Variants in UNC13C observed in about 807,000 individuals in gnomAD.
UNC13C encodes protein unc-13 homolog C.
UNC13C carries 174 observed loss-of-function variants against 245.4 expected under a neutral mutation model. The observed-to-expected ratio is 0.71, with a 90% CI of 0.63 to 0.80. The LOEUF (loss-of-function observed/expected upper bound fraction) is 0.80. Ranked by LOEUF, UNC13C falls within the 30% of genes least tolerant of loss-of-function variation. The pLI is 0.00. For missense variants in UNC13C, 2,829 were observed against 2,602.9 expected (o/e 1.09, Z -1.89); for synonymous variants, 992 against 895.1 (o/e 1.11, Z -1.93).
chr15:54,585,374 T>C (rs1472566751), intron 30 of UNC13C, among the ~76,000 whole-genome samples: 4 of 152,142 alleles, frequency 2.6e-5, no homozygotes. Flanking sequence ...AGCTCCCCCT[T>C]TGCTTTCTGC....
At chr15:53,916,491 A>G in the UNC13C span, among the ~76,000 whole-genome samples, 1 of 152,206 alleles carries the variant, frequency 6.6e-6, no homozygotes, top group African/African-American at 2.4e-5. Flanking sequence ...GAAACAAACC[A>G]GAGAGAGAAT....
chr15:54,330,377 T>G (rs2038407651), intron 14 of UNC13C, among the ~76,000 whole-genome samples: 1 of 151,978 alleles, frequency 6.6e-6, no homozygotes, highest in Non-Finnish European at 1.5e-5. Context: ...GTCGAGAGGG[T>G]GAGCATTTCA....
intron 2 of UNC13C, among the ~76,000 whole-genome samples, chr15:54,033,441 C>T (rs1387623053): frequency 1.3e-5 from 2 of 151,934 alleles, no homozygotes; most frequent in Middle Eastern, 3.2e-3. Flanking sequence ...ATCTTATTGT[C>T]GTGGGATTTT....
intron 8 of UNC13C, among the ~76,000 whole-genome samples, chr15:54,251,783 G>T (rs2140868471): frequency 6.6e-6 from 1 of 152,238 alleles, no homozygotes; most frequent in East Asian, 1.9e-4. Context: ...TGACACTGAA[G>T]GGAGAAGAGG....
chr15:54,354,101 G>T (rs2039042286), intron 17 of UNC13C, among the ~76,000 whole-genome samples: 1 of 152,078 alleles, frequency 6.6e-6, no homozygotes, highest in South Asian at 2.1e-4. Context: ...GATTCAAATA[G>T]AGGCTCCCAT....
At chr15:53,938,055 GACTA>G in the UNC13C span, among the ~76,000 whole-genome samples, 1 of 152,176 alleles carries the variant, frequency 6.6e-6, no homozygotes, top group Non-Finnish European at 1.5e-5. Flanking sequence ...AATGTAAATG[GACTA>G]ACTGTCCCAA....
intron 4 of UNC13C, among the ~76,000 whole-genome samples, chr15:54,180,180 C>T (rs779861098): frequency 6.6e-6 from 1 of 151,860 alleles, no homozygotes; most frequent in African/African-American, 2.4e-5. Flanking sequence ...TGATAGTCCC[C>T]GGTTTCTATT....
At chr15:54,378,088 T>G (rs1018240294) in intron 17 of UNC13C, among the ~76,000 whole-genome samples, 2 of 152,164 alleles carry the variant, frequency 1.3e-5, no homozygotes, top group Non-Finnish European at 2.9e-5. Flanking sequence ...TTTATAACAT[T>G]TGGAGACATC....
At chr15:54,037,971 C>T (rs1435499225) in intron 2 of UNC13C, among the ~76,000 whole-genome samples, 1 of 150,040 alleles carries the variant, frequency 6.7e-6, no homozygotes, top group Non-Finnish European at 1.5e-5. Context: ...AGCTTCTGAG[C>T]AAGTACATTC....
the UNC13C span, among the ~76,000 whole-genome samples, chr15:53,959,506 T>G: frequency 6.6e-6 from 1 of 152,194 alleles, no homozygotes; most frequent in Non-Finnish European, 1.5e-5. Context: ...TTATTTCTTA[T>G]CCTTGTTCAT....
intron 2 of UNC13C, among the ~76,000 whole-genome samples, chr15:54,129,126 T>A (rs1448370105): frequency 2.0e-5 from 3 of 152,212 alleles, no homozygotes; most frequent in African/African-American, 7.2e-5. Context: ...GAATTGTTAG[T>A]TGCGTTTAGT....
chr15:53,848,236 A>G, the UNC13C span, among the ~76,000 whole-genome samples: 2 of 151,670 alleles, frequency 1.3e-5, no homozygotes, highest in East Asian at 1.9e-4. Flanking sequence ...TTTTCTTTCT[A>G]TTTGAGTTTA....
At chr15:54,547,806 A>G (rs1596548297) in intron 27 of UNC13C, among the ~76,000 whole-genome samples, 1 of 152,128 alleles carries the variant, frequency 6.6e-6, no homozygotes, top group Non-Finnish European at 1.5e-5. Context: ...TTATAAATAC[A>G]CACACACATA....
At chr15:54,204,306 G>GAAAAAAAA (rs71132787) in intron 4 of UNC13C, among the ~76,000 whole-genome samples, 1 of 124,868 alleles carries the variant, frequency 8.0e-6, no homozygotes, top group Non-Finnish European at 1.6e-5. Flanking sequence ...ATTAAAAATT[G>GAAAAAAAA]AAAAAAAAAA....
At chr15:54,024,718 A>C (rs1234676408) in intron 2 of UNC13C, among the ~76,000 whole-genome samples, 1 of 152,006 alleles carries the variant, frequency 6.6e-6, no homozygotes, top group Non-Finnish European at 1.5e-5. Flanking sequence ...GGATATCGAG[A>C]CCATCCTGGC....
chr15:54,027,497 G>A (rs1048622240), intron 2 of UNC13C, among the ~76,000 whole-genome samples: 3 of 152,180 alleles, frequency 2.0e-5, no homozygotes, highest in African/African-American at 7.2e-5. Context: ...AGCTTCCCAA[G>A]TAGCTGGGAT....
rs1185252044 is a variant in UNC13C, at chr15:54,195,757, A to G, written c.3072-39273A>G. ...GTTTTGTTGTAAGTGGTATAATATG[A>G]CATTGCAGAGAAGTGCAGCCAGGAG... On this transcript the variant is annotated intron_variant, in intron 4 of 32. Coordinates refer to ENST00000260323, the MANE Select transcript of UNC13C (RefSeq NM_001080534.3). Among the ~76,000 whole-genome samples, 4 of 152,278 alleles carry G rather than the reference A, an allele frequency of 2.6e-5. No individual in the cohort carries two copies. The East Asian group carries it at 7.7e-4, about 29-fold the overall frequency.
At chr15:54,214,498 C>T (rs550053133) in intron 4 of UNC13C, among the ~76,000 whole-genome samples, 59 of 152,064 alleles carry the variant, frequency 3.9e-4, no homozygotes, top group African/African-American at 1.4e-3. Context: ...GAAAGTCTGA[C>T]AACCACTTAA....
At chr15:54,221,320 A>G (rs950304299) in intron 4 of UNC13C, among the ~76,000 whole-genome samples, 1 of 152,056 alleles carries the variant, frequency 6.6e-6, no homozygotes, top group Non-Finnish European at 1.5e-5. Context: ...TCGTTAGGAT[A>G]AATTGTATGT....
Sources: gnomAD v4.1 joint callset for allele counts (sites outside exome capture counted in the v4.1 genomes callset) on GRCh38, gnomAD v4.1.1 for gene constraint, MANE v1.5 for transcripts, NCBI Gene and HGNC (gene_info 2026-07-23, HGNC 2026-07-21) for gene names.